The following DPH6 variants were observed in gnomAD, a reference collection of about 807,000 sequenced individuals.
The protein encoded by DPH6 is diphthamine biosynthesis 6.
A neutral mutation model predicts 38.2 loss-of-function variants in DPH6; 33 were observed. The observed-to-expected ratio is 0.86, with a 90% CI of 0.65 to 1.15. The LOEUF (loss-of-function observed/expected upper bound fraction) is 1.15, where lower values mean the gene tolerates loss of function less well. Ranked by LOEUF, DPH6 falls within the 50% of genes most tolerant of loss-of-function variation. DPH6 has a pLI of 0.00. For synonymous variants in DPH6, 108 were observed against 103.0 expected, an observed-to-expected ratio of 1.05 and a Z score of -0.30; for missense variants, 325 against 320.0, an observed-to-expected ratio of 1.02 and a Z score of -0.12.
At chr15:35,331,158 G>C (rs565472695) in intron 3 of DPH6, 3 of 152,114 alleles carry the variant, frequency 2.0e-5, no homozygotes, top group Non-Finnish European at 4.4e-5. Flanking sequence ...TCCTAATATA[G>C]TCCCATAAAA....
chr15:35,339,620 C>T (rs186692123), intron 3 of DPH6, among the ~76,000 whole-genome samples: 1 of 152,198 alleles, frequency 6.6e-6, no homozygotes, highest in East Asian at 1.9e-4. Context: ...TCACCATGTC[C>T]AGCCTAATTT....
At chr15:35,437,508 A>T (rs917205436) in intron 5 of DPH6, among the ~76,000 whole-genome samples, 6 of 152,192 alleles carry the variant, frequency 3.9e-5, no homozygotes, top group African/African-American at 1.4e-4. Context: ...TTTTCTTACC[A>T]GTTGGGCTTT....
intron 3 of DPH6, among the ~76,000 whole-genome samples, chr15:35,497,140 ATAAT>A (rs1427435868): frequency 3.8e-4 from 58 of 152,306 alleles, no homozygotes; most frequent in African/African-American, 1.3e-3. Flanking sequence ...AGCTAATTAT[ATAAT>A]TAATTAGTAA....
the DPH6 span, among the ~76,000 whole-genome samples, chr15:35,177,989 A>G: frequency 3.3e-5 from 5 of 152,164 alleles, no homozygotes; most frequent in African/African-American, 1.2e-4. Context: ...GTACCTATTT[A>G]TGGGATATAA....
chr15:35,145,340 T>C, the DPH6 span, among the ~76,000 whole-genome samples: 1 of 152,268 alleles, frequency 6.6e-6, no homozygotes, highest in Non-Finnish European at 1.5e-5. Context: ...TTTCATTTTT[T>C]ACTTTCCTAG....
intron 4 of DPH6, 74 bp downstream of exon 4, chr15:35,454,673 G>C: frequency 7.9e-7 from 1 of 1,260,132 alleles, no homozygotes; most frequent in Non-Finnish European, 1.1e-6. Flanking sequence ...ATTTGAATAT[G>C]ATTATTATTT....
intron 3 of DPH6, among the ~76,000 whole-genome samples, chr15:35,511,024 C>T (rs1446343107): frequency 6.6e-6 from 1 of 152,112 alleles, no homozygotes; most frequent in Non-Finnish European, 1.5e-5. Flanking sequence ...GAGTCTAAAA[C>T]CTGACTACTC....
In DPH6 at chr15:35,377,204, G is replaced by C. The variant is rs72703156; in HGVS notation, c.663-3596C>G. 1.7e-3 allele frequency among the ~76,000 whole-genome samples: 264 copies of C among 152,254 alleles called. 1 individual carries two copies. The highest frequency in any genetic ancestry group is 5.0e-3 in the East Asian group (26 of 5,180). On this transcript the variant is annotated intron_variant, in intron 7 of 8. Transcript: ENST00000256538. ...ACGGCATTACGGTGTTCTGTATTGA[G>C]TTATGCCTTGAGTGGGCAGAAAATA...
At chr15:35,400,776 C>T in intron 6 of DPH6, 1 of 754,952 alleles carries the variant, frequency 1.3e-6, no homozygotes, top group Non-Finnish European at 2.4e-6. Flanking sequence ...CCGATGAGAG[C>T]CCGAGGATCC....
the DPH6 span, among the ~76,000 whole-genome samples, chr15:35,195,581 C>G: frequency 6.6e-6 from 1 of 152,040 alleles, no homozygotes; most frequent in African/African-American, 2.4e-5. Context: ...TCTATAGATC[C>G]AGCTTCTTAG....
chr15:35,457,118 T>A (rs898194905), intron 3 of DPH6, among the ~76,000 whole-genome samples: 7 of 151,752 alleles, frequency 4.6e-5, no homozygotes, highest in Admixed American at 1.3e-4. Flanking sequence ...CATGCCCAGC[T>A]ATTTTTTTCT....
chr15:35,388,237 G>A (rs62002897), intron 6 of DPH6, among the ~76,000 whole-genome samples: 12,388 of 152,092 alleles, frequency 0.081, 551 homozygotes, highest in Middle Eastern at 0.17. Context: ...TGCTGGATTC[G>A]GTTTGCCAGT....
At chr15:35,283,649 CT>C (rs1395105084) in intron 3 of DPH6, among the ~76,000 whole-genome samples, 2 of 152,042 alleles carry the variant, frequency 1.3e-5, no homozygotes, top group Non-Finnish European at 2.9e-5. Flanking sequence ...GGGAAGGGTC[CT>C]CTAGAATCCT....
chr15:35,425,810 C>CATATATATATAT (rs71741742), intron 5 of DPH6, among the ~76,000 whole-genome samples: 47 of 142,028 alleles, frequency 3.3e-4, no homozygotes, highest in African/African-American at 1.1e-3. Flanking sequence ...TATGACATGA[C>CATATATATATAT]ATATATATAT....
intron 3 of DPH6, chr15:35,521,694 G>A: frequency 8.1e-7 from 1 of 1,231,250 alleles, no homozygotes; most frequent in Non-Finnish European, 1.0e-6. Context: ...AAGAAGAGCA[G>A]CATATTAAAA....
chr15:35,477,154 G>T (rs1365548946), intron 3 of DPH6, among the ~76,000 whole-genome samples: 4 of 151,670 alleles, frequency 2.6e-5, no homozygotes, highest in African/African-American at 9.7e-5. Flanking sequence ...AATGAAAGTG[G>T]AGGGAAAAAA....
chr15:35,281,430 CA>C (rs2140436342), intron 3 of DPH6, among the ~76,000 whole-genome samples: 1 of 152,138 alleles, frequency 6.6e-6, no homozygotes, highest in African/African-American at 2.4e-5. Flanking sequence ...TATTTTGACC[CA>C]AAATAATTTT....
chr15:35,482,688 C>G (rs1046577377), intron 3 of DPH6, among the ~76,000 whole-genome samples: 2 of 152,076 alleles, frequency 1.3e-5, no homozygotes, highest in African/African-American at 4.8e-5. Flanking sequence ...TAAGCCCTTA[C>G]CTCACACCAC....
chr15:35,346,260 G>A (rs965418016), intron 3 of DPH6, among the ~76,000 whole-genome samples: 1 of 152,008 alleles, frequency 6.6e-6, no homozygotes, highest in African/African-American at 2.4e-5. Context: ...CCCCTAAAAT[G>A]CTTGGTAAAA....
Sources: gnomAD v4.1 joint callset for allele counts (sites outside exome capture counted in the v4.1 genomes callset) on GRCh38, gnomAD v4.1.1 for gene constraint, MANE v1.5 for transcripts, NCBI Gene and HGNC (gene_info 2026-07-23, HGNC 2026-07-21) for gene names.